KIAA1217: variants seen among roughly 807,000 people sequenced by gnomAD.
KIAA1217 encodes the protein sickle tail protein homolog.
KIAA1217 carries 88 observed loss-of-function variants against 163.9 expected under a neutral mutation model. That is an observed-to-expected ratio of 0.54 (90% CI 0.45 to 0.64). The LOEUF (loss-of-function observed/expected upper bound fraction) is 0.64. Ranked by LOEUF, KIAA1217 falls within the 30% of genes least tolerant of loss-of-function variation. KIAA1217 has a pLI of 0.00. For synonymous variants in KIAA1217, 903 were observed against 923.1 expected, an observed-to-expected ratio of 0.98 and a Z score of 0.39; for missense variants, 2,372 against 2,475.0, an observed-to-expected ratio of 0.96 and a Z score of 0.88.
intron 1 of KIAA1217, among the ~76,000 whole-genome samples, chr10:23,723,000 C>A (rs367997700): frequency 2.6e-4 from 39 of 152,272 alleles, no homozygotes; most frequent in African/African-American, 9.4e-4. Context: ...AAGCCATTCC[C>A]GAGTGTCATC....
intron 1 of KIAA1217, among the ~76,000 whole-genome samples, chr10:23,708,183 A>G (rs1370593288): frequency 6.6e-6 from 1 of 152,128 alleles, no homozygotes; most frequent in African/African-American, 2.4e-5. Flanking sequence ...ATCTCATGGG[A>G]CTTACTTATT....
chr10:24,129,556 T>C (rs1589605895), intron 2 of KIAA1217, among the ~76,000 whole-genome samples: 1 of 152,202 alleles, frequency 6.6e-6, no homozygotes, highest in Non-Finnish European at 1.5e-5. Context: ...TTATACTTCA[T>C]AATCAATAGG....
At chr10:24,145,359 T>C (rs1241224050) in intron 2 of KIAA1217, among the ~76,000 whole-genome samples, 2 of 152,256 alleles carry the variant, frequency 1.3e-5, no homozygotes, top group Non-Finnish European at 2.9e-5. Flanking sequence ...TATTGGAGAT[T>C]AGTCAGAAGC....
At chr10:24,035,741 T>C (rs966548822) in intron 2 of KIAA1217, among the ~76,000 whole-genome samples, 1 of 152,190 alleles carries the variant, frequency 6.6e-6, no homozygotes, top group Non-Finnish European at 1.5e-5. Flanking sequence ...TTGAAGCCCA[T>C]AGGAAGAATT....
At chr10:24,512,593 A>G (rs1390639202) in intron 9 of KIAA1217, among the ~76,000 whole-genome samples, 2 of 152,236 alleles carry the variant, frequency 1.3e-5, no homozygotes, top group Admixed American at 6.5e-5. Flanking sequence ...TAAATTGCCA[A>G]AAGCCCTGGA....
intron 1 of KIAA1217, among the ~76,000 whole-genome samples, chr10:23,963,095 C>A (rs1844886956): frequency 1.3e-5 from 2 of 152,092 alleles, no homozygotes; most frequent in African/African-American, 4.8e-5. Context: ...ATAATGGTTT[C>A]ATATGGTTCA....
At chr10:23,751,007 T>C (rs988017957) in intron 1 of KIAA1217, among the ~76,000 whole-genome samples, 1 of 136,880 alleles carries the variant, frequency 7.3e-6, no homozygotes, top group Non-Finnish European at 1.5e-5. Context: ...CTTCCCTTTG[T>C]TTTTTTTTTG....
At chr10:24,297,984 G>T (rs527383352) in intron 2 of KIAA1217, among the ~76,000 whole-genome samples, 1 of 151,688 alleles carries the variant, frequency 6.6e-6, no homozygotes, top group Non-Finnish European at 1.5e-5. Context: ...ACTTGAGGCC[G>T]TGACTTTAGA....
chr10:23,782,763 G>A (rs1835315446), intron 1 of KIAA1217, among the ~76,000 whole-genome samples: 1 of 152,002 alleles, frequency 6.6e-6, no homozygotes, highest in African/African-American at 2.4e-5. Flanking sequence ...TCCACATATA[G>A]GATTATGTCA....
At chr10:24,354,923 G>A (rs2048896233) in intron 2 of KIAA1217, among the ~76,000 whole-genome samples, 1 of 152,204 alleles carries the variant, frequency 6.6e-6, no homozygotes, top group Non-Finnish European at 1.5e-5. Flanking sequence ...TTTTGCCAAG[G>A]AACCACCCTC....
intron 2 of KIAA1217, among the ~76,000 whole-genome samples, chr10:24,183,812 C>A (rs531874610): frequency 3.3e-5 from 5 of 152,204 alleles, no homozygotes; most frequent in Non-Finnish European, 7.3e-5. Flanking sequence ...CACCTCACAG[C>A]AACACAGAAG....
chr10:23,882,219 C>A (rs1840981316), intron 1 of KIAA1217, among the ~76,000 whole-genome samples: 1 of 151,888 alleles, frequency 6.6e-6, no homozygotes, highest in Non-Finnish European at 1.5e-5. Flanking sequence ...CCTCATTGCA[C>A]AGATGTGGGT....
chr10:24,216,255 C>T (rs1220433690), intron 1 of KIAA1217, among the ~76,000 whole-genome samples: 1 of 152,156 alleles, frequency 6.6e-6, no homozygotes, highest in African/African-American at 2.4e-5. Flanking sequence ...TCCCGGCTGT[C>T]TTGAACTCTC....
At chr10:24,154,282 G>A (rs984016462) in intron 2 of KIAA1217, among the ~76,000 whole-genome samples, 2 of 151,930 alleles carry the variant, frequency 1.3e-5, no homozygotes, top group African/African-American at 4.8e-5. Flanking sequence ...AAAAAAAGTA[G>A]CCAGACGTGG....
intron 2 of KIAA1217, among the ~76,000 whole-genome samples, chr10:24,297,807 A>T (rs1210339370): frequency 6.6e-6 from 1 of 152,068 alleles, no homozygotes; most frequent in East Asian, 1.9e-4. Flanking sequence ...TCTTTAAATG[A>T]CTGCCTGTTA....
At chr10:24,206,621 T>C (rs967161557), upstream of KIAA1217, among the ~76,000 whole-genome samples, 5 of 152,220 alleles carry the variant, frequency 3.3e-5, no homozygotes, top group African/African-American at 9.6e-5. Context: ...AGTAATCCAA[T>C]AGAAGCTTTT....
At chr10:23,940,231 G>T (rs1843700019) in intron 1 of KIAA1217, among the ~76,000 whole-genome samples, 1 of 151,634 alleles carries the variant, frequency 6.6e-6, no homozygotes, top group African/African-American at 2.4e-5. Context: ...AGGCCAAGGC[G>T]GGTGGATCAC....
intron 6 of KIAA1217, among the ~76,000 whole-genome samples, chr10:24,479,560 A>G (rs1236512568): frequency 6.6e-6 from 1 of 152,064 alleles, no homozygotes; most frequent in Non-Finnish European, 1.5e-5. Flanking sequence ...GGGCCTGATA[A>G]TTTGCTGTAG....
At chr10:24,155,832 A>G (rs1431104263) in intron 2 of KIAA1217, among the ~76,000 whole-genome samples, 1 of 152,076 alleles carries the variant, frequency 6.6e-6, no homozygotes, top group Non-Finnish European at 1.5e-5. Context: ...GGAATAAAAA[A>G]AAAAATGTTA....
Sources: gnomAD v4.1 joint callset for allele counts (sites outside exome capture counted in the v4.1 genomes callset) on GRCh38, gnomAD v4.1.1 for gene constraint, MANE v1.5 for transcripts, NCBI Gene and HGNC (gene_info 2026-07-23, HGNC 2026-07-21) for gene names.